DDAH1: variants seen among roughly 807,000 people sequenced by gnomAD.
DDAH1 encodes the protein dimethylarginine dimethylaminohydrolase 1.
Under a neutral mutation model 28.8 loss-of-function variants are expected in DDAH1, and 19 were observed. The ratio of observed to expected loss-of-function variants is 0.66; its 90% confidence interval spans 0.46 to 0.97. DDAH1 has a LOEUF of 0.97. Among genes scored for constraint, DDAH1 ranks in the 50% least tolerant of loss-of-function variants. The pLI, the probability that DDAH1 is intolerant of heterozygous loss-of-function variation, is 0.00. For synonymous variants in DDAH1, 153 were observed against 154.4 expected (o/e 0.99, Z 0.07); for missense variants, 326 against 375.9 (o/e 0.87, Z 1.10).
At chr1:85,505,573 A>G (rs1008973133) in intron 1 of DDAH1, among the ~76,000 whole-genome samples, 10 of 152,264 alleles carry the variant, frequency 6.6e-5, no homozygotes, top group Middle Eastern at 3.4e-3. Flanking sequence ...TGCACACCCC[A>G]CTGCTCAGTT....
At chr1:85,538,729 GC>G (rs1170960274) in intron 1 of DDAH1, among the ~76,000 whole-genome samples, 2 of 152,208 alleles carry the variant, frequency 1.3e-5, no homozygotes, top group Non-Finnish European at 2.9e-5. Context: ...AGTGAAAGCA[GC>G]AAAAAGATGG....
At chr1:85,459,481 C>G (rs1229320133) in intron 1 of DDAH1, among the ~76,000 whole-genome samples, 1 of 152,196 alleles carries the variant, frequency 6.6e-6, no homozygotes, top group African/African-American at 2.4e-5. Context: ...ACGTTACTGC[C>G]AAGGCCATGT....
chr1:85,436,885 G>A (rs1438714085), intron 1 of DDAH1, among the ~76,000 whole-genome samples: 1 of 152,134 alleles, frequency 6.6e-6, no homozygotes, highest in Non-Finnish European at 1.5e-5. Flanking sequence ...AGGTGTCATG[G>A]GAGACACTAC....
intron 1 of DDAH1, among the ~76,000 whole-genome samples, chr1:85,452,109 A>G (rs944028138): frequency 7.2e-5 from 11 of 152,066 alleles, no homozygotes; most frequent in African/African-American, 2.4e-4. Flanking sequence ...CTGCCTTTGG[A>G]TGAATGGCTT....
intron 2 of DDAH1, among the ~76,000 whole-genome samples, chr1:85,357,367 T>C (rs1194716120): frequency 6.6e-6 from 1 of 152,168 alleles, no homozygotes; most frequent in Non-Finnish European, 1.5e-5. Context: ...CTAAGAAGAA[T>C]GGCGCCCCCA....
At chr1:85,386,488 C>T (rs1259796549) in intron 1 of DDAH1, among the ~76,000 whole-genome samples, 2 of 152,242 alleles carry the variant, frequency 1.3e-5, no homozygotes, top group African/African-American at 4.8e-5. Flanking sequence ...ACATCCAGAG[C>T]ACACCGGTGC....
intron 1 of DDAH1, among the ~76,000 whole-genome samples, chr1:85,555,955 G>A (rs990318401): frequency 1.3e-5 from 2 of 152,138 alleles, no homozygotes; most frequent in Non-Finnish European, 2.9e-5. Flanking sequence ...TCAGCACCCA[G>A]GACAGGAAAA....
chr1:85,380,153 T>C (rs1650911765), intron 1 of DDAH1, among the ~76,000 whole-genome samples: 1 of 152,250 alleles, frequency 6.6e-6, no homozygotes, highest in Non-Finnish European at 1.5e-5. Flanking sequence ...GGTATTATTC[T>C]TCCTATTTAA....
Position 85,464,382 on chromosome 1 carries a change from G to T in DDAH1, c.303+361C>A. 1.0e-6 allele frequency: 1 copy of T among 958,078 alleles called. No individual in the cohort carries two copies. Among genetic ancestry groups the T allele is most frequent in the Non-Finnish European group, 1.5e-6 (1 of 680,340 alleles). The allele number at this position is 958,078 out of a possible 1,614,324, so 59.3% of individuals were successfully genotyped here. On this transcript the variant is annotated intron_variant, in intron 1 of 5. Transcript: ENST00000284031. The surrounding 1 kb of genome is among the most constrained non-coding windows in gnomAD (Gnocchi z 4.4). The stretch of plus-strand genomic sequence containing the variant: ...CAGCCTCCACCCGCCCTACCGGAGC[G>T]GCACCCCTCGCGGCCCTCGCTCCCT...
At chr1:85,384,786 C>G (rs950384590) in intron 1 of DDAH1, among the ~76,000 whole-genome samples, 4 of 152,098 alleles carry the variant, frequency 2.6e-5, no homozygotes, top group African/African-American at 9.7e-5. Context: ...AACAAATGAA[C>G]AGAAGGGAGG....
rs114939213 is a variant in DDAH1, at chr1:85,387,469, C to T, written c.304-28622G>A. Reference sequence around the variant, plus strand: ...CCCTAGGACATGGACACAATGCTGCCGAGATATTTGTTAAGGCATAACAAA... The same window carrying T: ...CCCTAGGACATGGACACAATGCTGCTGAGATATTTGTTAAGGCATAACAAA... On this transcript the variant is annotated intron_variant, in intron 1 of 5. Transcript: ENST00000284031. Among the ~76,000 whole-genome samples, 959 of 152,224 alleles carry T rather than the reference C, an allele frequency of 6.3e-3. 8 individuals carry two copies. The highest frequency in any genetic ancestry group is 0.022 in the African/African-American group (913 of 41,518).
intron 1 of DDAH1, among the ~76,000 whole-genome samples, chr1:85,418,781 C>G (rs11161612): frequency 2.6e-5 from 4 of 152,176 alleles, no homozygotes; most frequent in Non-Finnish European, 5.9e-5. Context: ...GAATTGGTTC[C>G]TGGTGCAACA....
chr1:85,440,739 T>C (rs1408317083), intron 1 of DDAH1, among the ~76,000 whole-genome samples: 1 of 152,254 alleles, frequency 6.6e-6, no homozygotes, highest in African/African-American at 2.4e-5. Context: ...ACAAAGTTTC[T>C]GATTTTACTG....
Position 85,515,032 on chromosome 1 carries a change from C to T in DDAH1, c.-122-18751G>A, listed in dbSNP as rs1580102. ...GAGCTAGAATACACACACACACACA[C>T]ATATATGTTTTTAATTCATGAGTCC... On this transcript the variant is annotated intron_variant, in intron 1 of 6. Transcript: ENST00000426972. 6.8e-3 allele frequency among the ~76,000 whole-genome samples: 1,012 copies of T among 149,616 alleles called. 17 individuals are homozygous for T. The highest frequency in any genetic ancestry group is 4.4e-3 in the Non-Finnish European group (298 of 67,504).
intron 4 of DDAH1, among the ~76,000 whole-genome samples, chr1:85,326,106 G>T (rs1647374813): frequency 6.6e-6 from 1 of 152,216 alleles, no homozygotes; most frequent in African/African-American, 2.4e-5. Flanking sequence ...CATGCTTCCT[G>T]TAGAAAATTC....
Position 85,343,552 on chromosome 1 carries a change from C to T in DDAH1, c.597+6863G>A, listed in dbSNP as rs973412392. 3.3e-5 allele frequency among the ~76,000 whole-genome samples: 5 copies of T among 152,344 alleles called. No individual in the cohort carries two copies. The East Asian group carries it at 9.6e-4, about 29-fold the overall frequency. ...AGCCAGATAGTAAGACAAAATTAAA[C>T]CTACAATGGGATTGTCAGTATGCCT... On this transcript the variant is annotated intron_variant, in intron 4 of 5. Coordinates refer to ENST00000284031, the MANE Select transcript of DDAH1 (RefSeq NM_012137.4).
At chr1:85,423,104 G>A (rs1326101381) in intron 1 of DDAH1, among the ~76,000 whole-genome samples, 2 of 152,062 alleles carry the variant, frequency 1.3e-5, no homozygotes, top group African/African-American at 4.8e-5. Context: ...CTATTTCTGG[G>A]CTCTCTATTC....
chr1:85,558,642 C>T (rs753288270), intron 1 of DDAH1, among the ~76,000 whole-genome samples: 19 of 152,140 alleles, frequency 1.2e-4, no homozygotes, highest in Admixed American at 6.5e-4. Flanking sequence ...TCTATATACT[C>T]ATTTATCAGG....
At chr1:85,416,627 C>T (rs1652899495) in intron 1 of DDAH1, among the ~76,000 whole-genome samples, 1 of 152,132 alleles carries the variant, frequency 6.6e-6, no homozygotes, top group Non-Finnish European at 1.5e-5. Context: ...ATAGTGTGGT[C>T]AGACCTGGAG....
Sources: allele counts gnomAD v4.1 joint callset (sites outside exome capture counted in the v4.1 genomes callset), GRCh38; gene constraint gnomAD v4.1.1; non-coding constraint Gnocchi (gnomAD v3.1); transcripts MANE v1.5; gene names NCBI Gene and HGNC (gene_info 2026-07-23, HGNC 2026-07-21).